PRIM2: variants seen among roughly 807,000 people sequenced by gnomAD.
PRIM2 encodes the protein DNA primase subunit 2.
Under a neutral mutation model 67.3 loss-of-function variants are expected in PRIM2, and 39 were observed. The ratio of observed to expected loss-of-function variants is 0.58; its 90% CI spans 0.45 to 0.76. PRIM2 has a LOEUF of 0.76. PRIM2 is among the 30% of genes least tolerant of loss of function. The pLI is 0.00. For missense variants in PRIM2, 398 were observed against 598.7 expected (o/e 0.66, Z 3.50); for synonymous variants, 143 against 198.7 (o/e 0.72, Z 2.36).
At chr6:57,550,774 A>G (rs1581985086) in intron 10 of PRIM2, among the ~76,000 whole-genome samples, 2 of 152,328 alleles carry the variant, frequency 1.3e-5, no homozygotes, top group East Asian at 3.9e-4. Flanking sequence ...GGGGAAAATG[A>G]CAATAAAATA....
the PRIM2 span, among the ~76,000 whole-genome samples, chr6:57,252,074 C>G: frequency 6.6e-6 from 1 of 152,180 alleles, no homozygotes; most frequent in African/African-American, 2.4e-5. Flanking sequence ...TCTTATTTGC[C>G]CTTTGAATTA....
At chr6:57,381,588 C>A (rs1200295122) in intron 6 of PRIM2, among the ~76,000 whole-genome samples, 2 of 151,296 alleles carry the variant, frequency 1.3e-5, no homozygotes, top group Admixed American at 6.6e-5. Flanking sequence ...AGAATGGAAA[C>A]ATACATGAAG....
At chr6:57,551,416 C>T (rs1383476176) in intron 10 of PRIM2, among the ~76,000 whole-genome samples, 34 of 152,284 alleles carry the variant, frequency 2.2e-4, no homozygotes, top group East Asian at 5.8e-4. Flanking sequence ...GAAGGAGACA[C>T]AAAAACTCAG....
chr6:57,339,656 C>G (rs1327731723), intron 5 of PRIM2, among the ~76,000 whole-genome samples: 1 of 151,946 alleles, frequency 6.6e-6, no homozygotes, highest in Non-Finnish European at 1.5e-5. Flanking sequence ...TAGCCATATG[C>G]AGAAAGCTGA....
rs1441432517 is a variant in PRIM2, at chr6:57,476,021, T to G, written c.694-31366T>G. Among the ~76,000 whole-genome samples the G allele has an allele frequency of 5.3e-4, 81 of 152,240 alleles. 1 individual carries two copies. The highest frequency in any genetic ancestry group is 9.6e-4 in the Non-Finnish European group (65 of 68,016). On this transcript the variant is annotated intron_variant, in intron 7 of 13. Coordinates refer to ENST00000615550, the MANE Select transcript of PRIM2 (RefSeq NM_000947.5). Reference sequence around the variant, plus strand: ...CCTAGGTCAGTGTTGTTGTTGTTGTTGTGGTTTTGTTTGTGTTTTTTTAAA... The same window carrying G: ...CCTAGGTCAGTGTTGTTGTTGTTGTGGTGGTTTTGTTTGTGTTTTTTTAAA...
chr6:57,326,517 G>A (rs958665736), intron 5 of PRIM2: 2 of 152,428 alleles, frequency 1.3e-5, no homozygotes, highest in African/African-American at 4.8e-5. Context: ...GGTCAAAAGT[G>A]CGAGACCATC....
At chr6:57,383,518 C>A (rs9349857) in intron 7 of PRIM2, 10 of 141,664 alleles carry the variant, frequency 7.1e-5, no homozygotes, top group East Asian at 2.1e-4. Flanking sequence ...GTGACAATGT[C>A]ATTGTGGCTA....
At chr6:57,381,744 G>A (rs1029278228) in intron 6 of PRIM2, among the ~76,000 whole-genome samples, 10 of 152,076 alleles carry the variant, frequency 6.6e-5, no homozygotes, top group Admixed American at 3.3e-4. Flanking sequence ...GAAATCCTGG[G>A]GATTATGTTT....
At chr6:57,592,033 C>T (rs1346624088) in intron 10 of PRIM2, among the ~76,000 whole-genome samples, 2 of 152,102 alleles carry the variant, frequency 1.3e-5, no homozygotes, top group African/African-American at 2.4e-5. Context: ...ATGGATGCAG[C>T]TGGAGGTCAT....
intron 10 of PRIM2, among the ~76,000 whole-genome samples, chr6:57,542,173 G>A (rs1318503736): frequency 1.3e-5 from 2 of 151,854 alleles, no homozygotes; most frequent in South Asian, 2.1e-4. Flanking sequence ...ACGGGGTTTC[G>A]CCATGTTGCT....
the PRIM2 span, among the ~76,000 whole-genome samples, chr6:57,256,714 TCACACACACACACACA>T: frequency 7.4e-6 from 1 of 134,484 alleles, no homozygotes; most frequent in African/African-American, 3.1e-5. Context: ...TCTCTCACTT[TCACACACACACACACA>T]CACACACACA....
the PRIM2 span, among the ~76,000 whole-genome samples, chr6:57,244,567 T>A: frequency 6.6e-6 from 1 of 152,124 alleles, no homozygotes; most frequent in East Asian, 1.9e-4. Flanking sequence ...TCGAGACCAG[T>A]CTGAACAACA....
the PRIM2 span, among the ~76,000 whole-genome samples, chr6:57,293,459 G>C: frequency 9.2e-5 from 14 of 152,046 alleles, no homozygotes; most frequent in Non-Finnish European, 1.8e-4. Flanking sequence ...CTAGAAATAC[G>C]ATTTGACCCA....
chr6:57,293,325 G>A, the PRIM2 span, among the ~76,000 whole-genome samples: 1 of 152,154 alleles, frequency 6.6e-6, no homozygotes, highest in African/African-American at 2.4e-5. Context: ...TCATGAAAAA[G>A]TCAGGAAACA....
At chr6:57,643,282 T>C (rs1282370434) in intron 13 of PRIM2, among the ~76,000 whole-genome samples, 4 of 152,232 alleles carry the variant, frequency 2.6e-5, no homozygotes, top group Non-Finnish European at 4.4e-5. Context: ...TTTTCTAATC[T>C]TTGTAGCCAA....
chr6:57,633,692 C>T (rs1777070787), intron 13 of PRIM2, among the ~76,000 whole-genome samples: 1 of 152,066 alleles, frequency 6.6e-6, no homozygotes, highest in Non-Finnish European at 1.5e-5. Flanking sequence ...TGGGAGGGCA[C>T]ATTAGATAAT....
At chr6:57,586,314 T>C (rs1776186161) in intron 10 of PRIM2, among the ~76,000 whole-genome samples, 1 of 152,060 alleles carries the variant, frequency 6.6e-6, no homozygotes, top group Non-Finnish European at 1.5e-5. Context: ...TTTCGATGAT[T>C]GAGAAAGGAT....
At chr6:57,560,983 C>G (rs1775615577) in intron 10 of PRIM2, among the ~76,000 whole-genome samples, 2 of 152,148 alleles carry the variant, frequency 1.3e-5, no homozygotes, top group African/African-American at 2.4e-5. Flanking sequence ...CTAATTTGAA[C>G]CCAGGCATTG....
At chr6:57,233,019 A>G in the PRIM2 span, among the ~76,000 whole-genome samples, 2 of 152,238 alleles carry the variant, frequency 1.3e-5, no homozygotes, top group African/African-American at 2.4e-5. Flanking sequence ...TAGCAAAGAT[A>G]TATTTTCTAA....
Sources: gnomAD v4.1 joint callset for allele counts (sites outside exome capture counted in the v4.1 genomes callset) on GRCh38, gnomAD v4.1.1 for gene constraint, MANE v1.5 for transcripts, NCBI Gene and HGNC (gene_info 2026-07-23, HGNC 2026-07-21) for gene names.